Variants in STYXL1 observed in about 807,000 individuals in gnomAD.
The protein encoded by STYXL1 is serine/threonine/tyrosine interacting like 1, also known as serine/threonine/tyrosine-interacting-like protein 1.
STYXL1 carries 32 observed loss-of-function variants against 36.4 expected under a neutral mutation model. The ratio of observed to expected loss-of-function variants is 0.88; its 90% confidence interval spans 0.66 to 1.18. The LOEUF (loss-of-function observed/expected upper bound fraction) is 1.18. Among genes scored for constraint, STYXL1 ranks in the 50% most tolerant of loss-of-function variants. The pLI is 0.00. For missense variants in STYXL1, 354 were observed against 394.1 expected (o/e 0.90, Z 0.86); for synonymous variants, 133 against 144.1 (o/e 0.92, Z 0.55).
At chr7:76,045,818 T>TA (rs1283881561) in intron 1 of STYXL1, 1 of 152,178 alleles carries the variant, frequency 6.6e-6, no homozygotes, top group Non-Finnish European at 1.5e-5. Context: ...CAGCTGTACC[T>TA]AAAACCACTC....
chr7:76,044,830 G>C (rs1563532041), intron 1 of STYXL1: 1 of 152,098 alleles, frequency 6.6e-6, no homozygotes, highest in Non-Finnish European at 1.5e-5. Flanking sequence ...TGGGTAGCTG[G>C]GACTACAAGC....
chr7:76,046,433 ACCTCCT>A (rs1797092275), intron 1 of STYXL1, among the ~76,000 whole-genome samples: 1 of 150,818 alleles, frequency 6.6e-6, no homozygotes, highest in Admixed American at 6.6e-5. Flanking sequence ...AGCAACCTCC[ACCTCCT>A]GGGTTCAAGG....
chr7:76,005,763 G>A (rs1388816860), intron 5 of STYXL1, among the ~76,000 whole-genome samples: 4 of 151,890 alleles, frequency 2.6e-5, no homozygotes, highest in Admixed American at 6.6e-5. Flanking sequence ...GGATGGAGAG[G>A]GACAGCTCTC....
intron 1 of STYXL1, among the ~76,000 whole-genome samples, chr7:76,034,114 T>C (rs868956066): frequency 6.4e-4 from 97 of 152,196 alleles, no homozygotes; most frequent in African/African-American, 2.3e-3. Flanking sequence ...AGCTGCTGCC[T>C]TTTTTTGAGA....
chr7:76,022,007 C>A lies in STYXL1; in HGVS notation c.166-15G>T, dbSNP rs545436297. The A allele has an allele frequency of 3.8e-5, 58 of 1,520,696 alleles. No individual in the cohort carries two copies. In the Admixed American group the frequency reaches 4.7e-4, roughly 12 times the overall value. The allele number at this position is 1,520,696 out of a possible 1,614,324, so 94.2% of individuals were successfully genotyped here. On this transcript the variant is annotated splice_polypyrimidine_tract_variant and intron_variant, in intron 3 of 8. Coordinates refer to ENST00000359697, the MANE Select transcript of STYXL1 (RefSeq NM_001317785.2). ...TCATTATTTTTCTTAAAAAAAAAAA[C>A]ACACACACACAAGAGAGGCCTGTTG...
chr7:76,041,169 C>A (rs1796441810), intron 1 of STYXL1, among the ~76,000 whole-genome samples: 1 of 150,278 alleles, frequency 6.7e-6, no homozygotes, highest in Non-Finnish European at 1.5e-5. Context: ...AGAACCTCCC[C>A]CCATCTCCAA....
intron 5 of STYXL1, among the ~76,000 whole-genome samples, chr7:76,012,192 G>A (rs1394008969): frequency 6.6e-6 from 1 of 152,116 alleles, no homozygotes; most frequent in Non-Finnish European, 1.5e-5. Context: ...GGCTGGTCTT[G>A]AACTCCTGAG....
Position 76,046,367 on chromosome 7 carries a change from C to G in STYXL1, c.-5+1295G>C, listed in dbSNP as rs13240396. On this transcript the variant is annotated intron_variant, in intron 1 of 8. Coordinates refer to ENST00000359697, the MANE Select transcript of STYXL1 (RefSeq NM_001317785.2). ...GCGCGCGCGCGCGCGCGCTTTTGAG[C>G]CGGAGTTTAGCTCTTATCACCCAGG... Among the ~76,000 whole-genome samples the G allele has an allele frequency of 2.1e-5, 3 of 144,276 alleles. 1 individual carries two copies. The highest frequency in any genetic ancestry group is 1.5e-5 in the Non-Finnish European group (1 of 66,310). The allele number at this position is 144,276 out of a possible 152,430, so 94.7% of individuals were successfully genotyped here.
At position 76,035,097 on chromosome 7, in the gene STYXL1, T is replaced by C. The variant is rs1235346318; in HGVS notation, c.-4-4570A>G. On this transcript the variant is annotated intron_variant, in intron 1 of 8. Coordinates refer to ENST00000359697, the MANE Select transcript of STYXL1 (RefSeq NM_001317785.2). The stretch of plus-strand genomic sequence containing the variant: ...GATCCACCCAGTTGCTTGGGCCCGA[T>C]GACCTCATTCCCCTTTCCCTCACAT... Among the ~76,000 whole-genome samples, 2 of 149,646 alleles carry C rather than the reference T, an allele frequency of 1.3e-5. 1 individual carries two copies. Among genetic ancestry groups the C allele is most frequent in the African/African-American group, 4.9e-5 (2 of 40,954 alleles).
At chr7:76,016,734 T>G (rs1554574144) in intron 4 of STYXL1, among the ~76,000 whole-genome samples, 1 of 152,026 alleles carries the variant, frequency 6.6e-6, no homozygotes, top group Non-Finnish European at 1.5e-5. Flanking sequence ...AGCCAAAAAA[T>G]AATAGATGTT....
chr7:76,019,424 G>A (rs1451258988), intron 4 of STYXL1, among the ~76,000 whole-genome samples: 1 of 151,522 alleles, frequency 6.6e-6, no homozygotes, highest in Non-Finnish European at 1.5e-5. Flanking sequence ...AGCCTCCTGA[G>A]TAGCTGGTGC....
rs528469396 is a variant in STYXL1, at chr7:76,042,390, C to CTTTTTTTTTTT, written c.-5+5261_-5+5271dup. On this transcript the variant is annotated intron_variant, in intron 1 of 8. Transcript: ENST00000359697. ...ACTGCTCCCTGGGTGCCCTTATGTG[C>CTTTTTTTTTTT]TTTTTTTTTTTTTTTTTTTTTTTTT... 5.4e-3 allele frequency among the ~76,000 whole-genome samples: 226 copies of CTTTTTTTTTTT among 41,818 alleles called. 91 individuals are homozygous for CTTTTTTTTTTT. The highest frequency in any genetic ancestry group is 8.9e-3 in the Non-Finnish European group (168 of 18,870). The allele number at this position is 41,818 out of a possible 152,430, so 27.4% of individuals were successfully genotyped here. A position where few individuals can be genotyped will look rare whatever the true frequency, so the allele number is the denominator to read the frequency against.
chr7:76,028,811 T>C (rs1353327008), intron 2 of STYXL1, 108 bp from the exon 3 acceptor site: 16 of 1,001,672 alleles, frequency 1.6e-5, no homozygotes, highest in Non-Finnish European at 2.2e-5. Context: ...AGTTAAGGGA[T>C]AGTCATTGTC....
intron 2 of STYXL1, among the ~76,000 whole-genome samples, chr7:76,029,524 C>CG (rs1325056090): frequency 1.3e-5 from 2 of 152,028 alleles, no homozygotes; most frequent in Non-Finnish European, 2.9e-5. Flanking sequence ...AATTTTTCCA[C>CG]GGAACAGGGC....
At chr7:76,020,255 G>A (rs1793902181) in intron 4 of STYXL1, among the ~76,000 whole-genome samples, 1 of 152,158 alleles carries the variant, frequency 6.6e-6, no homozygotes, top group East Asian at 1.9e-4. Context: ...GGACCTCCTG[G>A]GACAAAAGTC....
At chr7:76,027,155 G>A (rs1182750616) in intron 3 of STYXL1, among the ~76,000 whole-genome samples, 1 of 152,110 alleles carries the variant, frequency 6.6e-6, no homozygotes, top group Non-Finnish European at 1.5e-5. Context: ...GACTGCAGAG[G>A]GGAGAGACGG....
rs10252879 is a variant in STYXL1, at chr7:76,021,363, G to C, written c.307+488C>G. Among the ~76,000 whole-genome samples the C allele has an allele frequency of 9.4e-3, 1,429 of 152,268 alleles. 15 individuals are homozygous for C. Among genetic ancestry groups the C allele is most frequent in the African/African-American group, 0.03 (1,230 of 41,550 alleles). On this transcript the variant is annotated intron_variant, in intron 4 of 8. Transcript: ENST00000359697. ...CCCAAAGTGCTGGGATTACAGGCAT[G>C]AGCCACCGCGCCCGGCCAAGAATAT...
In STYXL1 at chr7:76,046,495, C is replaced by T. The variant is rs937659129; in HGVS notation, c.-5+1167G>A. 3.2e-4 allele frequency among the ~76,000 whole-genome samples: 48 copies of T among 151,790 alleles called. 1 individual carries two copies. Among genetic ancestry groups the T allele is most frequent in the Non-Finnish European group, 7.4e-5 (5 of 67,956 alleles). ...CTGAGTAGCTGGGACTACAGGCACA[C>T]GCCACCATGCCCAGCCAATTTTTGT... is the stretch of plus-strand genomic sequence containing the variant. On this transcript the variant is annotated intron_variant, in intron 1 of 8. Coordinates refer to ENST00000359697, the MANE Select transcript of STYXL1 (RefSeq NM_001317785.2).
chr7:76,027,471 A>G (rs1794847170), intron 3 of STYXL1, among the ~76,000 whole-genome samples: 2 of 152,046 alleles, frequency 1.3e-5, no homozygotes, highest in South Asian at 4.1e-4. Context: ...TGTCTTTAAA[A>G]AAAAAAAATT....
Sources: gnomAD v4.1 joint callset for allele counts (sites outside exome capture counted in the v4.1 genomes callset) on GRCh38, gnomAD v4.1.1 for gene constraint, MANE v1.5 for transcripts, NCBI Gene and HGNC (gene_info 2026-07-23, HGNC 2026-07-21) for gene names.